HERC1: variants seen among roughly 807,000 people sequenced by gnomAD.
The protein encoded by HERC1 is probable E3 ubiquitin-protein ligase HERC1.
HERC1 carries 160 observed loss-of-function variants against 554.3 expected under a neutral mutation model. The ratio of observed to expected loss-of-function variants is 0.29; its 90% CI spans 0.25 to 0.33. HERC1 has a LOEUF of 0.33. Among genes scored for constraint, HERC1 ranks in the 10% least tolerant of loss-of-function variants. The pLI is 1.00. For missense variants in HERC1, 4,919 were observed against 5,918.5 expected (o/e 0.83, Z 5.54); for synonymous variants, 2,175 against 2,131.7 (o/e 1.02, Z -0.56).
rs756546393 is a variant in HERC1, at chr15:63,699,001, A to G, written c.4637-5T>C. The G allele has an allele frequency of 5.6e-6, 9 of 1,601,672 alleles. 1 individual carries two copies. The highest frequency in any genetic ancestry group is 1.7e-4 in the Middle Eastern group (1 of 5,956). On this transcript the variant is annotated splice_region_variant and splice_polypyrimidine_tract_variant and intron_variant, in intron 25 of 77. Coordinates refer to ENST00000443617, the MANE Select transcript of HERC1 (RefSeq NM_003922.4). The stretch of plus-strand genomic sequence containing the variant: ...CCAATTGACTGTGCATAGGACCTAT[A>G]TACAAACAGAATAAACATATATCAA...
chr15:63,770,404 A>C (rs1418581789), intron 2 of HERC1, among the ~76,000 whole-genome samples: 1 of 152,070 alleles, frequency 6.6e-6, no homozygotes, highest in African/African-American at 2.4e-5. Flanking sequence ...TCCCTCTTTC[A>C]TTACACTGTG....
chr15:63,729,389 T>C lies in HERC1; in HGVS notation c.3022-21A>G, dbSNP rs182037773. On this transcript the variant is annotated intron_variant, in intron 15 of 77. Transcript: ENST00000443617. ...GAGTTCTAAGAAGAAAAAAAGTTCCTAAATTACTACTTTGAAAGATTCAAG... is the reference window on the plus strand; with the variant it reads ...GAGTTCTAAGAAGAAAAAAAGTTCCCAAATTACTACTTTGAAAGATTCAAG... 6 of 1,590,776 alleles carry C rather than the reference T, an allele frequency of 3.8e-6. No individual in the cohort carries two copies. In the Admixed American group the frequency reaches 7.5e-5, roughly 20 times the overall value.
Position 63,698,960 on chromosome 15 carries a change from G to T in HERC1, c.4673C>A (p.Ser1558Tyr). 1 of 1,613,634 alleles carries T rather than the reference G, an allele frequency of 6.2e-7. No homozygotes were observed. Among genetic ancestry groups the T allele is most frequent in the Non-Finnish European group, 8.5e-7 (1 of 1,179,544 alleles). The change falls in exon 26 of 78, where the codon TCT becomes TAT. Residue 1558 changes from serine to tyrosine, a missense_variant. Transcript: ENST00000443617. ...TCTGCTATGTTTCAGGCGAGCCCAAGAGTCACTCAGGGATTCCAATTGACT... is the reference window on the plus strand; with the variant it reads ...TCTGCTATGTTTCAGGCGAGCCCAATAGTCACTCAGGGATTCCAATTGACT... ...MHSQLESLSDSWARLKHSRDW... is the reference protein window; with the variant it reads ...MHSQLESLSDYWARLKHSRDW...
In HERC1 at chr15:63,727,948, ACT is replaced by A; in HGVS notation, c.3155-112_3155-111del. 1 of 789,688 alleles carries A rather than the reference ACT, an allele frequency of 1.3e-6. No homozygotes were observed. 48.9% of individuals were successfully genotyped at this position (789,688 alleles called of 1,614,324 possible). ...GGAACTAGAGTAGACTCATTCAACA[ACT>A]CTCTGTTGAACACCTACCTGGTAGC... On this transcript the variant is annotated intron_variant, in intron 16 of 77. Transcript: ENST00000443617. This position sits in a 1 kb window ranked among gnomAD's most constrained non-coding sequence, Gnocchi z 4.3.
At chr15:63,645,276 C>G (rs1405710247) in intron 56 of HERC1, among the ~76,000 whole-genome samples, 179 bp from the exon 57 acceptor site, 1 of 152,142 alleles carries the variant, frequency 6.6e-6, no homozygotes, top group African/African-American at 2.4e-5. Context: ...CAACATCACA[C>G]CCAGAGATAA....
chr15:63,662,889 G>C lies in HERC1; in HGVS notation c.8901+95C>G, dbSNP rs543823737. The C allele has an allele frequency of 4.0e-5, 35 of 880,990 alleles. No individual in the cohort carries two copies. In the African/African-American group the frequency reaches 5.4e-4, roughly 14 times the overall value. 54.6% of individuals were successfully genotyped at this position (880,990 alleles called of 1,614,324 possible). On this transcript the variant is annotated intron_variant, in intron 44 of 77. Transcript: ENST00000443617. ...AGGATGAGATAAAAGACTTTTTAGA[G>C]TGTTTCAACTCTAGGCAAGGCTGCT... is the stretch of plus-strand genomic sequence containing the variant.
intron 1 of HERC1, among the ~76,000 whole-genome samples, chr15:63,795,301 T>C (rs1418496249): frequency 6.6e-6 from 1 of 152,060 alleles, no homozygotes; most frequent in Admixed American, 6.6e-5. Flanking sequence ...TTTATCATTT[T>C]GGAAAAAGAA....
chr15:63,737,547 ATC>A (rs1555431973), intron 12 of HERC1, among the ~76,000 whole-genome samples: 3 of 40,530 alleles, frequency 7.4e-5, no homozygotes, highest in African/African-American at 2.8e-4. Flanking sequence ...ATATATATAT[ATC>A]TTTTTTTTTT....
intron 25 of HERC1, 140 bp downstream of exon 25, chr15:63,706,640 G>T: frequency 2.3e-6 from 1 of 441,642 alleles, no homozygotes. Context: ...GAAATTTTTT[G>T]CAGTTACATT....
At chr15:63,656,043 C>G in intron 49 of HERC1, 45 bp downstream of exon 49, 1 of 1,601,696 alleles carries the variant, frequency 6.2e-7, no homozygotes, top group Non-Finnish European at 8.5e-7. Flanking sequence ...AAGAATCAGT[C>G]AGAAATAATC....
intron 40 of HERC1, among the ~76,000 whole-genome samples, chr15:63,668,403 G>A (rs890627350): frequency 5.3e-5 from 8 of 152,158 alleles, no homozygotes; most frequent in African/African-American, 1.9e-4. Flanking sequence ...TGAGGTGGGA[G>A]AACTGCTTGA....
intron 25 of HERC1, among the ~76,000 whole-genome samples, chr15:63,705,318 T>TA (rs1316884730): frequency 6.7e-6 from 1 of 148,934 alleles, no homozygotes; most frequent in Non-Finnish European, 1.5e-5. Context: ...CACGCCTAGC[T>TA]TTTTTTTTTC....
In HERC1 at chr15:63,665,933, T is replaced by C; in HGVS notation, c.8541A>G (p.Glu2847=). The change falls in exon 42 of 78, where the codon GAA becomes GAG. Residue 2847 remains glutamate, a synonymous_variant. Transcript: ENST00000443617. ...TGGAATTTCACCTTTCACTAAAACC[T>C]TCCTCCATTTCAGCAGCATCAGCTG... ...IPSADAAEME[E]GFSESPDNLD... 1 of 1,612,530 alleles carries C rather than the reference T, an allele frequency of 6.2e-7. No homozygotes were observed. Among genetic ancestry groups the C allele is most frequent in the Non-Finnish European group, 8.5e-7 (1 of 1,178,850 alleles).
rs2068907170 is a variant in HERC1 at position 63,638,924 on chromosome 15, T to C, written c.11902-148A>G. On this transcript the variant is annotated intron_variant, in intron 61 of 77. Coordinates refer to ENST00000443617, the MANE Select transcript of HERC1 (RefSeq NM_003922.4). ...TAAATTAAGAGCAGTTTTATAATTA[T>C]GTCAAACTTGATTTTATGCACTGTC... 6.0e-6 allele frequency: 4 copies of C among 668,344 alleles called. No individual in the cohort carries two copies. The Admixed American group carries it at 7.4e-5, about 12-fold the overall frequency. The allele number at this position is 668,344 out of a possible 1,614,324, so 41.4% of individuals were successfully genotyped here. A position where few individuals can be genotyped will look rare whatever the true frequency, so the allele number is the denominator to read the frequency against.
At chr15:63,783,940 C>T (rs886830416) in intron 1 of HERC1, among the ~76,000 whole-genome samples, 1 of 151,962 alleles carries the variant, frequency 6.6e-6, no homozygotes, top group Non-Finnish European at 1.5e-5. Context: ...GTAGTGGGCG[C>T]CTGTAATCCC....
intron 1 of HERC1, among the ~76,000 whole-genome samples, chr15:63,826,188 T>A (rs2077895642): frequency 1.3e-5 from 2 of 152,200 alleles, no homozygotes; most frequent in Admixed American, 6.5e-5. Flanking sequence ...GAACCTAAAT[T>A]TCCAGTGTTG....
intron 51 of HERC1, among the ~76,000 whole-genome samples, chr15:63,653,814 G>A (rs1420316143): frequency 6.6e-6 from 1 of 152,144 alleles, no homozygotes; most frequent in Non-Finnish European, 1.5e-5. Context: ...ATCAATGGAT[G>A]CAGAACCCAC....
chr15:63,625,975 A>T lies in HERC1; in HGVS notation c.13275+10T>A. 1 of 1,602,806 alleles carries T rather than the reference A, an allele frequency of 6.2e-7. No homozygotes were observed. The highest frequency in any genetic ancestry group is 8.5e-7 in the Non-Finnish European group (1 of 1,174,570). ...TCTGTGCCTGGCTGCTTACCACGCC[A>T]GTCTGTTACCTGGTTGTTGGGGCTA... On this transcript the variant is annotated intron_variant, in intron 71 of 77. Coordinates refer to ENST00000443617, the MANE Select transcript of HERC1 (RefSeq NM_003922.4).
At chr15:63,825,483 G>A (rs1474989107) in intron 1 of HERC1, among the ~76,000 whole-genome samples, 4 of 152,026 alleles carry the variant, frequency 2.6e-5, no homozygotes, top group Non-Finnish European at 5.9e-5. Context: ...AACATCATGT[G>A]TACACATTAA....
Sources: gnomAD v4.1 joint callset for allele counts (sites outside exome capture counted in the v4.1 genomes callset) on GRCh38, gnomAD v4.1.1 for gene constraint, Gnocchi (gnomAD v3.1) non-coding constraint, MANE v1.5 for transcripts, NCBI Gene and HGNC (gene_info 2026-07-23, HGNC 2026-07-21) for gene names.